Variants in PCCB observed in about 807,000 individuals in gnomAD.
The protein encoded by PCCB is propionyl-CoA carboxylase subunit beta, also known as propionyl-CoA carboxylase beta chain, mitochondrial.
In PCCB, 43 loss-of-function variants were observed where a neutral mutation model predicts 60.7. That is an observed-to-expected ratio of 0.71 (90% CI 0.55 to 0.91). The LOEUF (loss-of-function observed/expected upper bound fraction) is 0.91. PCCB is among the 40% of genes least tolerant of loss of function. PCCB has a pLI of 0.00. For missense variants in PCCB, 766 were observed against 702.8 expected, an observed-to-expected ratio of 1.09 and a Z score of -1.02; for synonymous variants, 276 against 255.9, an observed-to-expected ratio of 1.08 and a Z score of -0.75.
intron 5 of PCCB, among the ~76,000 whole-genome samples, chr3:136,262,869 C>T (rs756971500): frequency 3.0e-4 from 46 of 151,748 alleles, no homozygotes; most frequent in Admixed American, 3.3e-4. Context: ...CCCTCAGAGA[C>T]GTGGTGATAA....
intron 7 of PCCB, among the ~76,000 whole-genome samples, chr3:136,294,270 A>G (rs971257812): frequency 2.0e-5 from 3 of 152,184 alleles, no homozygotes; most frequent in Non-Finnish European, 4.4e-5. Context: ...GGCCAGGTGC[A>G]TGATGGTCAT....
intron 4 of PCCB, 105 bp downstream of exon 4, chr3:136,260,640 G>C (rs926909572): frequency 1.1e-6 from 1 of 937,746 alleles, no homozygotes; most frequent in Non-Finnish European, 1.7e-6. Flanking sequence ...TTGGGGTAGG[G>C]CAGAGGTATG....
chr3:136,250,411 A>G lies in PCCB; in HGVS notation c.36A>G (p.Ala12=). Residue 12 remains alanine, a synonymous_variant, in exon 1 of 15, where the codon GCA becomes GCG. Coordinates refer to ENST00000251654, the MANE Select transcript of PCCB (RefSeq NM_000532.5). ...CATTACGGGTGGCGGCGGTCGGGGC[A>G]AGGCTCAGCGTTCTGGCGAGCGGTC... is the stretch of plus-strand genomic sequence containing the variant. ...AAALRVAAVG[A]RLSVLASGLR... is the part of the protein sequence containing the mutation. 1 of 1,576,628 alleles carries G rather than the reference A, an allele frequency of 6.3e-7. No individual in the cohort carries two copies. The highest frequency in any genetic ancestry group is 8.6e-7 in the Non-Finnish European group (1 of 1,160,760).
chr3:136,296,641 A>G (rs1933953801), intron 7 of PCCB, among the ~76,000 whole-genome samples: 1 of 152,186 alleles, frequency 6.6e-6, no homozygotes. Flanking sequence ...TGATAACTCG[A>G]TGTTTAACTT....
At chr3:136,275,671 G>A (rs554453024) in intron 5 of PCCB, among the ~76,000 whole-genome samples, 1 of 152,160 alleles carries the variant, frequency 6.6e-6, no homozygotes, top group East Asian at 1.9e-4. Flanking sequence ...ATAGCCTAAT[G>A]TGATTCTTAA....
intron 10 of PCCB, among the ~76,000 whole-genome samples, chr3:136,320,910 G>A (rs547722000): frequency 4.6e-5 from 7 of 152,312 alleles, no homozygotes; most frequent in Admixed American, 2.6e-4. Context: ...CTCATGTTAA[G>A]GGAGGAAAAC....
intron 5 of PCCB, among the ~76,000 whole-genome samples, chr3:136,270,742 G>A (rs1435603558): frequency 6.6e-6 from 1 of 152,180 alleles, no homozygotes; most frequent in Non-Finnish European, 1.5e-5. Flanking sequence ...CTGGCCTCAG[G>A]TGATCCACCT....
chr3:136,284,003 T>A, intron 6 of PCCB, 56 bp downstream of exon 6: 1 of 1,073,556 alleles, frequency 9.3e-7, no homozygotes, highest in Non-Finnish European at 1.4e-6. Flanking sequence ...GTTCCTTACC[T>A]GCAATAAAAA....
rs879253816 is a variant in PCCB at position 136,328,859 on chromosome 3, T to C, written c.1498+2T>C. ...ACCCTTTCCCTGCAGCAGTGCGAGG[T>C]AGGGGACTGTGGTGAAGAGGGCAGC... On this transcript the variant is annotated splice_donor_variant, in intron 14 of 14. Coordinates refer to ENST00000251654, the MANE Select transcript of PCCB (RefSeq NM_000532.5). LOFTEE classifies it high-confidence loss of function. 6 of 1,608,332 alleles carry C rather than the reference T, an allele frequency of 3.7e-6. No homozygotes were observed. The South Asian group carries it at 6.6e-5, about 18-fold the overall frequency.
intron 5 of PCCB, among the ~76,000 whole-genome samples, chr3:136,280,458 T>A (rs1942447518): frequency 6.6e-6 from 1 of 152,194 alleles, no homozygotes; most frequent in Admixed American, 6.5e-5. Flanking sequence ...TGATTCTCCC[T>A]CCTCAGCCTC....
rs1933217820 is a variant in PCCB at position 136,283,914 on chromosome 3, C to T, written c.621C>T (p.Ser207=). The change falls in exon 6 of 15, where the codon TCC becomes TCT. Residue 207 remains serine, a synonymous_variant. Coordinates refer to ENST00000251654, the MANE Select transcript of PCCB (RefSeq NM_000532.5). The part of the protein sequence containing the change: ...MGPCAGGAVY[S]PALTDFTFMV... ...CATGTGCTGGTGGGGCCGTCTACTC[C>T]CCAGCCCTAACAGACTTCACGTTCA... 6.2e-7 allele frequency: 1 copy of T among 1,612,816 alleles called. No individual in the cohort carries two copies. The highest frequency in any genetic ancestry group is 1.1e-5 in the South Asian group (1 of 91,034).
At chr3:136,268,138 A>ATC (rs1428276636) in intron 5 of PCCB, among the ~76,000 whole-genome samples, 2 of 138,020 alleles carry the variant, frequency 1.4e-5, no homozygotes, top group African/African-American at 5.5e-5. Context: ...ATATATATAT[A>ATC]TATCTACATA....
chr3:136,295,364 T>C (rs536251566), intron 7 of PCCB, among the ~76,000 whole-genome samples: 1 of 152,216 alleles, frequency 6.6e-6, no homozygotes, highest in Non-Finnish European at 1.5e-5. Flanking sequence ...TTAGGGCTCT[T>C]GATCCCCCAC....
At chr3:136,285,357 C>G (rs1453640082) in intron 6 of PCCB, among the ~76,000 whole-genome samples, 2 of 152,122 alleles carry the variant, frequency 1.3e-5, no homozygotes, top group Non-Finnish European at 2.9e-5. Flanking sequence ...TTTCTCCTTT[C>G]TCTTTAGTAT....
intron 10 of PCCB, among the ~76,000 whole-genome samples, chr3:136,319,979 G>GT (rs949335532): frequency 6.6e-6 from 1 of 152,192 alleles, no homozygotes; most frequent in Non-Finnish European, 1.5e-5. Context: ...TTGAACAGGT[G>GT]TGGCGTGCTT....
chr3:136,317,212 ATTTTT>A (rs397694948), intron 10 of PCCB, 148 bp downstream of exon 10: 593 of 259,082 alleles, frequency 2.3e-3, no homozygotes, highest in South Asian at 5.2e-3. Flanking sequence ...ATAAAAGCTA[ATTTTT>A]TTTTTTTTTT....
intron 5 of PCCB, among the ~76,000 whole-genome samples, chr3:136,270,498 T>C (rs1287278898): frequency 1.3e-5 from 2 of 150,826 alleles, no homozygotes; most frequent in Non-Finnish European, 3.0e-5. Context: ...ATCTGTTGTT[T>C]TTTGACATTT....
intron 5 of PCCB, among the ~76,000 whole-genome samples, chr3:136,281,030 A>G (rs1055558996): frequency 6.6e-6 from 1 of 152,172 alleles, no homozygotes; most frequent in African/African-American, 2.4e-5. Flanking sequence ...GCATGGGATC[A>G]GTTGCTTCTA....
intron 8 of PCCB, among the ~76,000 whole-genome samples, chr3:136,298,468 T>C (rs1034940617): frequency 2.0e-5 from 3 of 152,220 alleles, no homozygotes; most frequent in South Asian, 2.1e-4. Flanking sequence ...ATTCTTCTTA[T>C]GCTGACTATA....
Sources: gnomAD v4.1 joint callset for allele counts (sites outside exome capture counted in the v4.1 genomes callset) on GRCh38, gnomAD v4.1.1 for gene constraint, MANE v1.5 for transcripts, NCBI Gene and HGNC (gene_info 2026-07-23, HGNC 2026-07-21) for gene names.